CREG2: variants seen among roughly 807,000 people sequenced by gnomAD.
The protein encoded by CREG2 is protein CREG2.
CREG2 carries 24 observed loss-of-function variants against 26.2 expected under a neutral mutation model. That is an observed-to-expected ratio of 0.92 (90% CI 0.66 to 1.29). The LOEUF is 1.29. Ranked by LOEUF, CREG2 falls within the 50% of genes most tolerant of loss-of-function variation. CREG2 has a pLI of 0.00. For missense variants in CREG2, 366 were observed against 398.6 expected, an observed-to-expected ratio of 0.92 and a Z score of 0.70; for synonymous variants, 174 against 169.2, an observed-to-expected ratio of 1.03 and a Z score of -0.22.
intron 3 of CREG2, among the ~76,000 whole-genome samples, chr2:101,354,920 CA>C (rs1348834347): frequency 2.6e-5 from 4 of 151,978 alleles, no homozygotes; most frequent in Non-Finnish European, 5.9e-5. Flanking sequence ...CCCCAGCAGG[CA>C]ATGGGCTTTG....
chr2:101,364,159 C>T (rs1425887624), intron 2 of CREG2, among the ~76,000 whole-genome samples: 1 of 152,158 alleles, frequency 6.6e-6, no homozygotes, highest in African/African-American at 2.4e-5. Context: ...CAATAGAACC[C>T]ATTGAGATAT....
rs1684338943 is a variant in CREG2 at position 101,348,889 on chromosome 2, C to T, written c.*2034G>A. The T allele has an allele frequency of 6.6e-6, 1 of 152,090 alleles. No individual in the cohort carries two copies. The allele number at this position is 152,090 out of a possible 1,614,324, so 9.4% of individuals were successfully genotyped here. A position where few individuals can be genotyped will look rare whatever the true frequency, so the allele number is the denominator to read the frequency against. ...GAAACACACTTGCCTGAATGGAGAC[C>T]ATCAAACTTAAAACTGTGAATTTTC... is the stretch of plus-strand genomic sequence containing the variant. On this transcript the variant is annotated 3_prime_UTR_variant, in exon 4 of 4. Coordinates refer to ENST00000324768, the MANE Select transcript of CREG2 (RefSeq NM_153836.4).
chr2:101,355,296 A>T lies in CREG2; in HGVS notation c.682T>A (p.Ser228Thr), dbSNP rs1684439102. The T allele has an allele frequency of 1.2e-6, 2 of 1,614,014 alleles. No individual in the cohort carries two copies. Among genetic ancestry groups the T allele is most frequent in the Admixed American group, 3.3e-5 (2 of 60,026 alleles). ...LTLTGQMIAV[S>T]PEEVEFAKQA... is the part of the protein sequence containing the mutation. Reference sequence around the variant, plus strand: ...TTGGCAAATTCTACTTCTTCTGGAGACACTGCGATCATCTGGCCAGTGAGC... The same window carrying T: ...TTGGCAAATTCTACTTCTTCTGGAGTCACTGCGATCATCTGGCCAGTGAGC... The change falls in exon 3 of 4, where the codon TCT becomes ACT. Residue 228 changes from serine (S) to threonine (T), a missense_variant. Ser to Thr is a moderately conservative substitution (Grantham distance 58). This residue lies in a region of CREG2 where 174 missense variants were observed against 178.2 expected (regional missense o/e 0.98). Transcript: ENST00000324768.
At chr2:101,382,556 C>A (rs1684892963) in intron 2 of CREG2, 1 of 985,298 alleles carries the variant, frequency 1.0e-6, no homozygotes. Context: ...CTTTTCCTGG[C>A]TTCTTGCTGT....
chr2:101,359,775 T>C (rs1381174527), intron 2 of CREG2, among the ~76,000 whole-genome samples: 1 of 152,248 alleles, frequency 6.6e-6, no homozygotes, highest in Non-Finnish European at 1.5e-5. Flanking sequence ...GGTTGAGTTA[T>C]GCAACTCCCT....
chr2:101,383,736 G>A (rs766698901), intron 1 of CREG2, 34 bp from the exon 2 acceptor site: 1 of 1,553,204 alleles, frequency 6.4e-7, no homozygotes, highest in South Asian at 1.2e-5. Context: ...TTTCAGTGCA[G>A]AGCTGTGGCT....
chr2:101,381,629 G>C (rs970039753), intron 2 of CREG2, among the ~76,000 whole-genome samples: 1 of 152,212 alleles, frequency 6.6e-6, no homozygotes, highest in African/African-American at 2.4e-5. Context: ...CAGGGGTATA[G>C]CAGTTCTGAG....
chr2:101,373,566 C>T (rs1684744378), intron 2 of CREG2, among the ~76,000 whole-genome samples: 1 of 152,120 alleles, frequency 6.6e-6, no homozygotes, highest in Non-Finnish European at 1.5e-5. Flanking sequence ...AAGATGGAGT[C>T]ATGTCTAACA....
intron 1 of CREG2, among the ~76,000 whole-genome samples, chr2:101,385,329 A>C (rs1684950875): frequency 6.6e-6 from 1 of 151,942 alleles, no homozygotes; most frequent in African/African-American, 2.4e-5. Flanking sequence ...TTACAGGTGC[A>C]TGCCACCATG....
chr2:101,372,058 G>C (rs374983928), intron 2 of CREG2, among the ~76,000 whole-genome samples: 1 of 152,174 alleles, frequency 6.6e-6, no homozygotes, highest in African/African-American at 2.4e-5. Context: ...TGGGTAGATG[G>C]ATGGAAGGAC....
At chr2:101,351,143 C>T (rs1661801175) in intron 3 of CREG2, 73 bp from the exon 4 acceptor site, 1 of 1,461,900 alleles carries the variant, frequency 6.8e-7, no homozygotes, top group South Asian at 1.3e-5. Flanking sequence ...AGTCATAGGA[C>T]CTCCAGAGTC....
At chr2:101,364,372 C>A (rs969871713) in intron 2 of CREG2, among the ~76,000 whole-genome samples, 5 of 152,138 alleles carry the variant, frequency 3.3e-5, no homozygotes, top group Non-Finnish European at 7.3e-5. Context: ...TACCTCCCAC[C>A]CCAACCCAAG....
At chr2:101,360,680 G>T (rs1684526687) in intron 2 of CREG2, among the ~76,000 whole-genome samples, 1 of 151,798 alleles carries the variant, frequency 6.6e-6, no homozygotes, top group Non-Finnish European at 1.5e-5. Flanking sequence ...GGAAGTTGCA[G>T]CGAGCAGAGA....
chr2:101,368,017 G>A (rs1236521745), intron 2 of CREG2, among the ~76,000 whole-genome samples: 4 of 152,306 alleles, frequency 2.6e-5, no homozygotes, highest in South Asian at 2.1e-4. Context: ...GGCCGGGCAC[G>A]GTGGCTCAGG....
chr2:101,370,278 AG>A (rs772193366), intron 2 of CREG2, among the ~76,000 whole-genome samples: 1 of 152,204 alleles, frequency 6.6e-6, no homozygotes, highest in Middle Eastern at 3.2e-3. Flanking sequence ...GAGTATAAAT[AG>A]GGCACTATTA....
chr2:101,370,180 T>G (rs1186400501), intron 2 of CREG2, among the ~76,000 whole-genome samples: 5 of 152,218 alleles, frequency 3.3e-5, no homozygotes, highest in African/African-American at 1.2e-4. Flanking sequence ...ACCTCTGTCT[T>G]GGGACTCTTA....
rs1237171997 is a variant in CREG2 at position 101,387,170 on chromosome 2, C to G, written c.288G>C (p.Pro96=). 1.6e-6 allele frequency: 2 copies of G among 1,282,776 alleles called. No homozygotes were observed. Among genetic ancestry groups the G allele is most frequent in the East Asian group, 6.4e-5 (2 of 31,496 alleles). 79.5% of individuals were successfully genotyped at this position (1,282,776 alleles called of 1,614,324 possible). ...AGAACATCCCGGGTGGCGCGGGGGG[C>G]GGCCTGGCCCGGGCGGCGCCCGCCC... ...RPRAGAARAR[P]PPAPPGMFSY... Residue 96 remains proline, a synonymous_variant, in exon 1 of 4, where the codon CCG becomes CCC. Transcript: ENST00000324768. This position sits in a 1 kb window ranked among gnomAD's most constrained non-coding sequence, Gnocchi z 4.7.
In CREG2 at chr2:101,348,297, A is replaced by T. The variant is rs898307701; in HGVS notation, c.*2626T>A. 7 of 152,334 alleles carry T rather than the reference A, an allele frequency of 4.6e-5. No individual in the cohort carries two copies. The highest frequency in any genetic ancestry group is 6.8e-3 in the Middle Eastern group (2 of 294). 9.4% of individuals were successfully genotyped at this position (152,334 alleles called of 1,614,324 possible). A position where few individuals can be genotyped will look rare whatever the true frequency, so the allele number is the denominator to read the frequency against. The stretch of plus-strand genomic sequence containing the variant: ...GCTATTTCAATGCCTGTGCCTTTCC[A>T]TGTAACTTTTAAAATAAGCTTGTAT... On this transcript the variant is annotated 3_prime_UTR_variant, in exon 4 of 4. Coordinates refer to ENST00000324768, the MANE Select transcript of CREG2 (RefSeq NM_153836.4).
At position 101,350,604 on chromosome 2, in the gene CREG2, C is replaced by T. The variant is rs1370290323; in HGVS notation, c.*319G>A. Reference sequence around the variant, plus strand: ...ACAGGCATTTTTTTTTTTCCTTAAACAATGAAACAACAATGATCTCAACAT... The same window carrying T: ...ACAGGCATTTTTTTTTTTCCTTAAATAATGAAACAACAATGATCTCAACAT... On this transcript the variant is annotated 3_prime_UTR_variant, in exon 4 of 4. Transcript: ENST00000324768. 3 of 205,696 alleles carry T rather than the reference C, an allele frequency of 1.5e-5. No individual in the cohort carries two copies. In the East Asian group the frequency reaches 3.3e-4, roughly 23 times the overall value. 12.7% of individuals were successfully genotyped at this position (205,696 alleles called of 1,614,324 possible).
Sources: gnomAD v4.1 joint callset for allele counts (sites outside exome capture counted in the v4.1 genomes callset) on GRCh38, gnomAD v4.1.1 for gene constraint, gnomAD v4.1.1 regional missense constraint, Gnocchi (gnomAD v3.1) non-coding constraint, MANE v1.5 for transcripts, NCBI Gene and HGNC (gene_info 2026-07-23, HGNC 2026-07-21) for gene names.